GMDS: variants seen among roughly 807,000 people sequenced by gnomAD.
The protein encoded by GMDS is GDP-mannose 4,6 dehydratase.
GMDS carries 20 observed loss-of-function variants against 49.9 expected under a neutral mutation model. The observed-to-expected ratio is 0.40, with a 90% CI of 0.28 to 0.58. The LOEUF (loss-of-function observed/expected upper bound fraction) is 0.58, where lower values mean the gene tolerates loss of function less well. Ranked by LOEUF, GMDS falls within the 20% of genes least tolerant of loss-of-function variation. The probability of loss-of-function intolerance (pLI) is 0.42; values close to 1 mark genes in which losing one functional copy is unlikely to be tolerated. For missense variants in GMDS, 362 were observed against 481.4 expected, an observed-to-expected ratio of 0.75 and a Z score of 2.32; for synonymous variants, 177 against 178.6, an observed-to-expected ratio of 0.99 and a Z score of 0.07.
chr6:2,105,338 A>G (rs1474473638), intron 4 of GMDS, among the ~76,000 whole-genome samples: 2 of 152,182 alleles, frequency 1.3e-5, no homozygotes, highest in African/African-American at 4.8e-5. Flanking sequence ...ATAATCGACT[A>G]ACTTCTGTCA....
chr6:1,730,894 A>G (rs1391006419), intron 8 of GMDS, among the ~76,000 whole-genome samples: 1 of 152,206 alleles, frequency 6.6e-6, no homozygotes, highest in Admixed American at 6.5e-5. Flanking sequence ...CATATATGAA[A>G]AATAGAAATC....
At chr6:1,756,342 C>A (rs1767944286) in intron 7 of GMDS, among the ~76,000 whole-genome samples, 2 of 151,430 alleles carry the variant, frequency 1.3e-5, no homozygotes, top group South Asian at 4.2e-4. Flanking sequence ...CAGCTCACTG[C>A]AACCTCCGCC....
At chr6:1,664,572 A>T (rs970035062) in intron 9 of GMDS, among the ~76,000 whole-genome samples, 1 of 152,208 alleles carries the variant, frequency 6.6e-6, no homozygotes, top group Non-Finnish European at 1.5e-5. Flanking sequence ...GGACAATCAC[A>T]TAACGAAGCT....
At chr6:2,078,477 T>G (rs991457009) in intron 4 of GMDS, among the ~76,000 whole-genome samples, 1 of 152,140 alleles carries the variant, frequency 6.6e-6, no homozygotes, top group African/African-American at 2.4e-5. Flanking sequence ...TCCACTTTCA[T>G]TCGTTTCAAG....
chr6:2,165,950 A>C (rs1273711659), intron 1 of GMDS, among the ~76,000 whole-genome samples: 3 of 152,212 alleles, frequency 2.0e-5, no homozygotes, highest in African/African-American at 7.2e-5. Context: ...ATAAAGATAA[A>C]AAAAAGAATC....
At chr6:2,105,242 A>C (rs530239719) in intron 4 of GMDS, among the ~76,000 whole-genome samples, 60 of 151,998 alleles carry the variant, frequency 3.9e-4, no homozygotes, top group African/African-American at 1.4e-3. Flanking sequence ...CCTAATATTT[A>C]ATATAAAGCA....
At chr6:1,879,214 T>C (rs140935093) in intron 7 of GMDS, among the ~76,000 whole-genome samples, 2 of 152,262 alleles carry the variant, frequency 1.3e-5, no homozygotes, top group Admixed American at 6.5e-5. Flanking sequence ...TAAAATTAAG[T>C]AAAAATTAAA....
At chr6:1,708,376 C>T (rs1217628491) in intron 9 of GMDS, among the ~76,000 whole-genome samples, 4 of 152,054 alleles carry the variant, frequency 2.6e-5, no homozygotes, top group South Asian at 4.2e-4. Flanking sequence ...GGAGGGAAGG[C>T]GGGTAGGGGG....
intron 2 of GMDS, among the ~76,000 whole-genome samples, chr6:2,121,776 C>T (rs894393032): frequency 6.6e-6 from 1 of 152,216 alleles, no homozygotes; most frequent in African/African-American, 2.4e-5. Context: ...AACTGTGCTA[C>T]ATGAATTCCA....
intron 1 of GMDS, among the ~76,000 whole-genome samples, chr6:2,208,935 T>C (rs1273050098): frequency 2.6e-5 from 4 of 151,670 alleles, no homozygotes; most frequent in Non-Finnish European, 4.4e-5. Flanking sequence ...ACCCAAGCTG[T>C]CCTGTCCAAG....
intron 7 of GMDS, among the ~76,000 whole-genome samples, chr6:1,876,981 G>T (rs1759100984): frequency 6.6e-6 from 1 of 152,170 alleles, no homozygotes; most frequent in South Asian, 2.1e-4. Context: ...CTTTGTTTTG[G>T]AACTGTGGTG....
In GMDS at chr6:1,714,719, T is replaced by C. The variant is rs563589094; in HGVS notation, c.987+11697A>G. ...TCTTATGGAGGCTCAGAGCCGGCAATGCCTCCAGTTGGCAGTCGTACTCTC... is the reference window on the plus strand; with the variant it reads ...TCTTATGGAGGCTCAGAGCCGGCAACGCCTCCAGTTGGCAGTCGTACTCTC... On this transcript the variant is annotated intron_variant, in intron 9 of 10. Coordinates refer to ENST00000380815, the MANE Select transcript of GMDS (RefSeq NM_001500.4). Among the ~76,000 whole-genome samples the C allele has an allele frequency of 1.1e-3, 160 of 152,346 alleles. 1 individual carries two copies. Among genetic ancestry groups the C allele is most frequent in the African/African-American group, 3.7e-3 (154 of 41,586 alleles).
chr6:1,772,418 G>C (rs1197231604), intron 7 of GMDS, among the ~76,000 whole-genome samples: 2 of 152,118 alleles, frequency 1.3e-5, no homozygotes, highest in East Asian at 3.8e-4. Context: ...TGCACATAAA[G>C]AGAAAAGGCA....
intron 7 of GMDS, among the ~76,000 whole-genome samples, chr6:1,906,305 G>A (rs1397955733): frequency 6.6e-6 from 1 of 152,196 alleles, no homozygotes; most frequent in African/African-American, 2.4e-5. Context: ...GAGCTGGGGT[G>A]CCAGGACTCA....
intron 7 of GMDS, among the ~76,000 whole-genome samples, chr6:1,771,960 G>C (rs1403300372): frequency 6.7e-6 from 1 of 148,658 alleles, no homozygotes; most frequent in African/African-American, 2.5e-5. Flanking sequence ...GAAAGAAAAG[G>C]AAGAGCAGGC....
At chr6:1,653,727 C>T (rs548297293) in intron 9 of GMDS, among the ~76,000 whole-genome samples, 42 of 152,332 alleles carry the variant, frequency 2.8e-4, no homozygotes, top group Admixed American at 2.7e-3. Flanking sequence ...ACGAATGGTA[C>T]TGGAAAACTG....
At chr6:1,922,491 T>C (rs1347959194) in intron 7 of GMDS, among the ~76,000 whole-genome samples, 2 of 152,218 alleles carry the variant, frequency 1.3e-5, no homozygotes, top group East Asian at 1.9e-4. Context: ...CCAAAAAGCC[T>C]GAAACTCACG....
rs1390999637 is a variant in GMDS at position 1,742,593 on chromosome 6, G to C, written c.772-7C>G. 1 of 1,481,186 alleles carries C rather than the reference G, an allele frequency of 6.8e-7. No individual in the cohort carries two copies. Among genetic ancestry groups the C allele is most frequent in the East Asian group, 2.3e-5 (1 of 44,058 alleles). The allele number at this position is 1,481,186 out of a possible 1,614,324, so 91.8% of individuals were successfully genotyped here. On this transcript the variant is annotated splice_region_variant and splice_polypyrimidine_tract_variant and intron_variant, in intron 7 of 10. Transcript: ENST00000380815. ...GCAACATCAACCACATAGCCTAGAG[G>C]GAAAGAGAGGCAAGTTCACTTTGAA...
chr6:1,657,082 A>G (rs1763906857), intron 9 of GMDS, among the ~76,000 whole-genome samples: 1 of 152,204 alleles, frequency 6.6e-6, no homozygotes, highest in East Asian at 1.9e-4. Context: ...CTTTTGCCAC[A>G]GGATGACCAT....
Sources: gnomAD v4.1 joint callset for allele counts (sites outside exome capture counted in the v4.1 genomes callset) on GRCh38, gnomAD v4.1.1 for gene constraint, MANE v1.5 for transcripts, NCBI Gene and HGNC (gene_info 2026-07-23, HGNC 2026-07-21) for gene names.